HOXC4: variants seen among roughly 807,000 people sequenced by gnomAD.
HOXC4 encodes homeobox protein Hox-C4.
A neutral mutation model predicts 25.5 loss-of-function variants in HOXC4; 15 were observed. The ratio of observed to expected loss-of-function variants is 0.59; its 90% confidence interval spans 0.39 to 0.91. The LOEUF (loss-of-function observed/expected upper bound fraction) is 0.91. Ranked by LOEUF, HOXC4 falls within the 40% of genes least tolerant of loss-of-function variation. HOXC4 has a pLI of 0.00. For missense variants in HOXC4, 342 were observed against 352.4 expected (o/e 0.97, Z 0.24); for synonymous variants, 165 against 148.0 (o/e 1.11, Z -0.83).
intron 1 of HOXC4, among the ~76,000 whole-genome samples, chr12:54,023,033 A>C (rs758964786): frequency 4.6e-5 from 7 of 152,200 alleles, no homozygotes; most frequent in Non-Finnish European, 1.0e-4. Context: ...TGGGCCAAGC[A>C]GGGCCACTTG....
chr12:54,028,619 C>G lies in HOXC4; in HGVS notation c.-124+11205C>G, dbSNP rs1379626931. 9 of 1,614,044 alleles carry G rather than the reference C, an allele frequency of 5.6e-6. No homozygotes were observed. The Admixed American group carries it at 8.3e-5, about 15-fold the overall frequency. On this transcript the variant is annotated intron_variant, in intron 1 of 3. Coordinates refer to the HOXC4 transcript ENST00000303406. Reference sequence around the variant, plus strand: ...GCCCTCAATTCCACCGCCTATGATCCAGTGAGGCATTTCTCGACCTATGGA... The same window carrying G: ...GCCCTCAATTCCACCGCCTATGATCGAGTGAGGCATTTCTCGACCTATGGA...
rs1334808312 is a variant in HOXC4, at chr12:54,054,924, G to A, written c.514G>A (p.Glu172Lys). ...TACCCGGCAGCAAGTCCTGGAATTA[G>A]AGAAAGAGTTTCATTACAACCGCTA... is the stretch of plus-strand genomic sequence containing the variant. ...AYTRQQVLEL[E>K]KEFHYNRYLT... The change falls in exon 2 of 2, where the codon GAG becomes AAG. Residue 172 changes from glutamate (E) to lysine (K), a missense_variant. Coordinates refer to ENST00000430889, the MANE Select transcript of HOXC4 (RefSeq NM_153633.3). 1 of 1,613,888 alleles carries A rather than the reference G, an allele frequency of 6.2e-7. No homozygotes were observed. Among genetic ancestry groups the A allele is most frequent in the Non-Finnish European group, 8.5e-7 (1 of 1,180,006 alleles).
At chr12:54,053,796 G>T, upstream of HOXC4, 1 of 679,886 alleles carries the variant, frequency 1.5e-6, no homozygotes, top group Non-Finnish European at 2.5e-6. Flanking sequence ...GGACTGGGTT[G>T]CTCCGTGTGA....
intron 1 of HOXC4, chr12:54,028,408 C>G (rs1228511852): frequency 1.2e-5 from 14 of 1,214,990 alleles, no homozygotes; most frequent in Non-Finnish European, 1.6e-5. Context: ...CTGACTTTGT[C>G]ATTTTGTCTG....
In HOXC4 at chr12:54,054,365, G is replaced by C; in HGVS notation, c.439+4G>C. 1.3e-6 allele frequency: 2 copies of C among 1,530,376 alleles called. No homozygotes were observed. Among genetic ancestry groups the C allele is most frequent in the Non-Finnish European group, 8.8e-7 (1 of 1,141,290 alleles). 94.8% of individuals were successfully genotyped at this position (1,530,376 alleles called of 1,614,324 possible). Reference sequence around the variant, plus strand: ...AAAAAAATTCACGTTAGCACGGGTAGGCAACTTTGCTTTTTGCTCCCCCCC... The same window carrying C: ...AAAAAAATTCACGTTAGCACGGGTACGCAACTTTGCTTTTTGCTCCCCCCC... On this transcript the variant is annotated splice_donor_region_variant and intron_variant, in intron 1 of 1. Transcript: ENST00000430889.
chr12:54,020,054 TCTC>T (rs1454195942), intron 1 of HOXC4: 2 of 152,288 alleles, frequency 1.3e-5, no homozygotes, highest in Non-Finnish European at 2.9e-5. Flanking sequence ...TTCTTTCCCT[TCTC>T]CTTCTTTCTC....
chr12:54,034,584 G>T, intron 1 of HOXC4: 1 of 1,114,530 alleles, frequency 9.0e-7, no homozygotes, highest in East Asian at 2.5e-5. Context: ...TTTCGGGTCG[G>T]GGGCAGGTGC....
At chr12:54,025,026 A>C (rs1940627425) in intron 1 of HOXC4, among the ~76,000 whole-genome samples, 1 of 152,188 alleles carries the variant, frequency 6.6e-6, no homozygotes, top group Non-Finnish European at 1.5e-5. Flanking sequence ...TCTTGACACC[A>C]AGCCCCTTCC....
chr12:54,048,713 G>C (rs1479721260), intron 1 of HOXC4, among the ~76,000 whole-genome samples: 1 of 152,108 alleles, frequency 6.6e-6, no homozygotes, highest in Non-Finnish European at 1.5e-5. Context: ...TGGCAGTTCA[G>C]AGGCCAAGAA....
Position 54,053,892 on chromosome 12 carries a change from C to G in HOXC4, c.-31C>G, listed in dbSNP as rs769068293. 3 of 1,556,498 alleles carry G rather than the reference C, an allele frequency of 1.9e-6. No homozygotes were observed. The Admixed American group carries it at 5.1e-5, about 27-fold the overall frequency. On this transcript the variant is annotated 5_prime_UTR_variant, in exon 1 of 2. Transcript: ENST00000430889. ...TTTATGGAGCAGAAAAACGACAAAG[C>G]GAGAAAAATTATTTTCCACTCCAGA...
At chr12:54,045,633 G>A (rs1174116092) in intron 1 of HOXC4, among the ~76,000 whole-genome samples, 1 of 152,134 alleles carries the variant, frequency 6.6e-6, no homozygotes, top group Non-Finnish European at 1.5e-5. Context: ...CATAATGCAT[G>A]CATCTGTGTA....
chr12:54,040,376 TC>T (rs1941252402), intron 1 of HOXC4, among the ~76,000 whole-genome samples: 1 of 152,180 alleles, frequency 6.6e-6, no homozygotes. Flanking sequence ...CCCTGTTCCT[TC>T]CTCCCTCCCT....
At chr12:54,033,217 A>G in intron 1 of HOXC4, 1 of 1,614,188 alleles carries the variant, frequency 6.2e-7, no homozygotes, top group Non-Finnish European at 8.5e-7. Flanking sequence ...TCGGCCTCAG[A>G]GGTGCAGGCA....
chr12:54,034,074 C>T (rs1371029519), intron 1 of HOXC4: 1 of 713,496 alleles, frequency 1.4e-6, no homozygotes, highest in African/African-American at 1.7e-5. Flanking sequence ...AGAGTGAAGG[C>T]TGCGGTGGAA....
At chr12:54,029,095 T>C (rs1940865919) in intron 1 of HOXC4, among the ~76,000 whole-genome samples, 1 of 150,970 alleles carries the variant, frequency 6.6e-6, no homozygotes, top group Admixed American at 6.6e-5. Flanking sequence ...TCTCGCTCGC[T>C]TGCAGGGGCC....
At chr12:54,019,256 C>T (rs1012616892) in intron 1 of HOXC4, among the ~76,000 whole-genome samples, 7 of 131,708 alleles carry the variant, frequency 5.3e-5, no homozygotes, top group Non-Finnish European at 9.3e-5. Flanking sequence ...TGTTTACGAT[C>T]GAGAAAAGCG....
Position 54,054,180 on chromosome 12 carries a change from G to C in HOXC4, c.258G>C (p.Ala86=). The part of the protein sequence containing the change: ...GNSRGHGPAQ[A]GHHHPEKSQS... ...CGCGAGGCCACGGGCCGGCCCAGGC[G>C]GGCCACCACCACCCCGAGAAATCAC... The change falls in exon 1 of 2, where the codon GCG becomes GCC. Residue 86 remains alanine (A), a synonymous_variant. Transcript: ENST00000430889. The C allele has an allele frequency of 6.2e-7, 1 of 1,613,470 alleles. No individual in the cohort carries two copies. Among genetic ancestry groups the C allele is most frequent in the Admixed American group, 1.7e-5 (1 of 59,990 alleles).
At chr12:54,043,960 GTGTGTGTT>G (rs770366197) in intron 1 of HOXC4, among the ~76,000 whole-genome samples, 3,670 of 131,902 alleles carry the variant, frequency 0.028, 85 homozygotes, top group African/African-American at 0.062. Flanking sequence ...GTGTGTGTGT[GTGTGTGTT>G]TAGGGAGTAG....
intron 1 of HOXC4, among the ~76,000 whole-genome samples, chr12:54,048,682 G>C (rs1292221831): frequency 6.6e-6 from 1 of 152,072 alleles, no homozygotes; most frequent in Non-Finnish European, 1.5e-5. Flanking sequence ...TTGGTCTTGG[G>C]TGCATAATCT....
Sources: allele counts gnomAD v4.1 joint callset (sites outside exome capture counted in the v4.1 genomes callset), GRCh38; gene constraint gnomAD v4.1.1; transcripts MANE v1.5; gene names NCBI Gene and HGNC (gene_info 2026-07-23, HGNC 2026-07-21).